The following DLG2 variants were observed in gnomAD, a reference collection of about 807,000 sequenced individuals.
DLG2 encodes the protein discs large MAGUK scaffold protein 2.
Under a neutral mutation model 132.5 loss-of-function variants are expected in DLG2, and 45 were observed. That is an observed-to-expected ratio of 0.34 (90% CI 0.27 to 0.44). The LOEUF is 0.44. Ranked by LOEUF, DLG2 falls within the 20% of genes least tolerant of loss-of-function variation. DLG2 has a pLI of 1.00. For synonymous variants in DLG2, 424 were observed against 419.6 expected (o/e 1.01, Z -0.13); for missense variants, 1,045 against 1,196.9 (o/e 0.87, Z 1.87).
At chr11:84,273,305 G>GAA in intron 7 of DLG2, 19 of 436,280 alleles carry the variant, frequency 4.4e-5, no homozygotes, top group Middle Eastern at 5.7e-4. Flanking sequence ...CAGTTGAAGA[G>GAA]GAAAAAAAAA....
intron 3 of DLG2, among the ~76,000 whole-genome samples, chr11:85,444,258 C>T (rs550525400): frequency 3.0e-4 from 46 of 152,052 alleles, no homozygotes; most frequent in Non-Finnish European, 5.3e-4. Flanking sequence ...ACTGGAAAAA[C>T]GTATACTGAA....
chr11:83,934,649 T>C (rs2081065131), intron 14 of DLG2, among the ~76,000 whole-genome samples: 1 of 152,232 alleles, frequency 6.6e-6, no homozygotes, highest in Non-Finnish European at 1.5e-5. Flanking sequence ...ACTTACACTT[T>C]ATTGAGTTTT....
At position 83,532,780 on chromosome 11, in the gene DLG2, C is replaced by G. The variant is rs750623433; in HGVS notation, c.2121G>C (p.Val707=). 5.5e-5 allele frequency: 89 copies of G among 1,611,620 alleles called. No individual in the cohort carries two copies. Among genetic ancestry groups the G allele is most frequent in the Non-Finnish European group, 6.1e-5 (72 of 1,178,746 alleles). ...EMGVIPSKRR[V]ERKERARLKT... is the part of the protein sequence containing the mutation. The stretch of plus-strand genomic sequence containing the variant: ...TCAATCGGGCACGTTCCTTTCTTTC[C>G]ACCCTAAAGCAAATTGAGAATAAAG... Residue 707 remains valine, a synonymous_variant, in exon 21 of 28, where the codon GTG becomes GTC. Transcript: ENST00000376104.
intron 3 of DLG2, among the ~76,000 whole-genome samples, chr11:85,449,642 T>C (rs900501784): frequency 6.6e-6 from 1 of 152,234 alleles, no homozygotes; most frequent in African/African-American, 2.4e-5. Context: ...TTCTCATGTA[T>C]TTTGTAGTTT....
chr11:85,423,631 T>C (rs1461688221), intron 3 of DLG2, among the ~76,000 whole-genome samples: 1 of 152,056 alleles, frequency 6.6e-6, no homozygotes, highest in Non-Finnish European at 1.5e-5. Flanking sequence ...GGGGGTGAGC[T>C]TCCCAGGTCA....
At chr11:85,009,094 T>A (rs565653971) in intron 6 of DLG2, among the ~76,000 whole-genome samples, 5 of 152,080 alleles carry the variant, frequency 3.3e-5, no homozygotes, top group African/African-American at 9.6e-5. Context: ...TTACAGGAGA[T>A]GAAACTAGAG....
chr11:85,394,925 G>A lies in DLG2; in HGVS notation c.41-109560C>T, dbSNP rs140963048. Among the ~76,000 whole-genome samples the A allele has an allele frequency of 3.3e-5, 5 of 152,092 alleles. No individual in the cohort carries two copies. In the South Asian group the frequency reaches 8.3e-4, roughly 25 times the overall value. ...ATAGCATTCTTGCCTGTTCTGCAGG[G>A]CTCCAATTAATTGTCTTGCTGGAAC... On this transcript the variant is annotated intron_variant, in intron 3 of 27. Coordinates refer to ENST00000376104, the MANE Select transcript of DLG2 (RefSeq NM_001142699.3).
At chr11:83,504,906 C>G (rs780595047) in intron 21 of DLG2, among the ~76,000 whole-genome samples, 2 of 152,174 alleles carry the variant, frequency 1.3e-5, no homozygotes, top group Non-Finnish European at 2.9e-5. Flanking sequence ...AAAGCTATTT[C>G]ACCATTCTAT....
chr11:84,026,965 A>T (rs2095551444), intron 11 of DLG2, among the ~76,000 whole-genome samples: 1 of 152,066 alleles, frequency 6.6e-6, no homozygotes. Flanking sequence ...ATTCCTTATT[A>T]TTATATTTTT....
At chr11:84,943,477 T>C (rs1372693727) in intron 6 of DLG2, among the ~76,000 whole-genome samples, 3 of 152,200 alleles carry the variant, frequency 2.0e-5, no homozygotes, top group African/African-American at 7.2e-5. Flanking sequence ...AATTTCTTTC[T>C]TTTATATTTT....
At chr11:85,588,111 G>A (rs1470201877) in intron 3 of DLG2, among the ~76,000 whole-genome samples, 5 of 152,012 alleles carry the variant, frequency 3.3e-5, no homozygotes, top group Admixed American at 6.6e-5. Flanking sequence ...TGATGCTTTC[G>A]CCTCACAGCT....
At chr11:84,548,129 T>A (rs2154523425) in intron 6 of DLG2, among the ~76,000 whole-genome samples, 1 of 152,280 alleles carries the variant, frequency 6.6e-6, no homozygotes, top group East Asian at 1.9e-4. Flanking sequence ...AGCTGGTGGC[T>A]TCCTGGAGTA....
chr11:84,343,371 GA>G (rs1456599268), intron 7 of DLG2, among the ~76,000 whole-genome samples: 1 of 152,114 alleles, frequency 6.6e-6, no homozygotes, highest in African/African-American at 2.4e-5. Context: ...CAACCTAAGG[GA>G]AAAGCCCTGA....
chr11:84,888,854 TA>T (rs537165088), intron 6 of DLG2, among the ~76,000 whole-genome samples: 17 of 152,248 alleles, frequency 1.1e-4, no homozygotes, highest in African/African-American at 3.8e-4. Flanking sequence ...GCAGAAGTGA[TA>T]AGCAGCAAAT....
chr11:85,361,188 C>G (rs1185800893), intron 3 of DLG2, among the ~76,000 whole-genome samples: 1 of 152,186 alleles, frequency 6.6e-6, no homozygotes, highest in African/African-American at 2.4e-5. Flanking sequence ...CAAAGTCTCA[C>G]TCTGTCACCC....
At chr11:85,256,819 ATTG>A (rs967545222) in intron 4 of DLG2, among the ~76,000 whole-genome samples, 2 of 152,222 alleles carry the variant, frequency 1.3e-5, no homozygotes, top group African/African-American at 4.8e-5. Context: ...CTAGTGTATC[ATTG>A]TTATCAATAC....
chr11:83,886,631 T>C (rs967964264), intron 15 of DLG2, among the ~76,000 whole-genome samples: 12 of 151,550 alleles, frequency 7.9e-5, no homozygotes, highest in Admixed American at 2.6e-4. Context: ...CCACCCCAAA[T>C]CAACAGAATA....
chr11:83,730,602 C>T (rs1001630928), intron 18 of DLG2, among the ~76,000 whole-genome samples: 1 of 152,154 alleles, frequency 6.6e-6, no homozygotes, highest in African/African-American at 2.4e-5. Context: ...ACTTTGGACC[C>T]TCATCAGCCT....
intron 7 of DLG2, among the ~76,000 whole-genome samples, chr11:84,405,221 A>G (rs1163966905): frequency 1.3e-5 from 2 of 152,206 alleles, no homozygotes; most frequent in African/African-American, 4.8e-5. Context: ...GCAATTTTCA[A>G]TTTAGTAATA....
Sources: gnomAD v4.1 joint callset for allele counts (sites outside exome capture counted in the v4.1 genomes callset) on GRCh38, gnomAD v4.1.1 for gene constraint, MANE v1.5 for transcripts, NCBI Gene and HGNC (gene_info 2026-07-23, HGNC 2026-07-21) for gene names.